Variants in IL1RAPL2 observed in about 807,000 individuals in gnomAD.
IL1RAPL2 encodes the protein interleukin 1 receptor accessory protein like 2, also known as X-linked interleukin-1 receptor accessory protein-like 2.
A neutral mutation model predicts 44.1 loss-of-function variants in IL1RAPL2; 3 were observed. The observed-to-expected ratio is 0.07, with a 90% CI of 0.03 to 0.18. IL1RAPL2 has a LOEUF of 0.18. Among genes scored for constraint, IL1RAPL2 ranks in the 10% least tolerant of loss-of-function variants. IL1RAPL2 has a pLI of 1.00. For synonymous variants in IL1RAPL2, 181 were observed against 178.8 expected (o/e 1.01, Z -0.10); for missense variants, 391 against 496.4 (o/e 0.79, Z 2.02).
At chrX:105,247,603 ATGTGTGTGTGTGTGTGTG>A (rs10588244) in intron 4 of IL1RAPL2, among the ~76,000 whole-genome samples, 3 of 95,032 alleles carry the variant, frequency 3.2e-5, no homozygotes, top group East Asian at 7.1e-4. Context: ...ATATATATAT[ATGTGTGTGTGTGTGTGTG>A]TGTGTGTGTG....
intron 6 of IL1RAPL2, among the ~76,000 whole-genome samples, chrX:105,574,696 G>T (rs1423975971): frequency 8.9e-6 from 1 of 111,843 alleles, no homozygotes; most frequent in Non-Finnish European, 1.9e-5. Context: ...TGGTCCTTTT[G>T]CTGTCTGTGA....
chrX:104,849,110 G>T (rs1922149234), intron 2 of IL1RAPL2, among the ~76,000 whole-genome samples: 1 of 109,096 alleles, frequency 9.2e-6, no homozygotes, highest in African/African-American at 3.3e-5. Flanking sequence ...TTTGAGGTCA[G>T]CCTCCATCTC....
chrX:105,731,911 A>G (rs2038409341), intron 7 of IL1RAPL2, among the ~76,000 whole-genome samples: 1 of 111,272 alleles, frequency 9.0e-6, no homozygotes, highest in Admixed American at 9.6e-5. Flanking sequence ...GTTAACAACA[A>G]TGAATTATAT....
chrX:105,447,075 T>TTTTA (rs1556322819), intron 5 of IL1RAPL2, among the ~76,000 whole-genome samples: 1 of 16,878 alleles, frequency 5.9e-5, no homozygotes, highest in Non-Finnish European at 8.6e-5. Context: ...CTGGTTAAAA[T>TTTTA]TATATATATA....
intron 2 of IL1RAPL2, among the ~76,000 whole-genome samples, chrX:105,116,788 A>G (rs1008973763): frequency 8.9e-6 from 1 of 112,665 alleles, no homozygotes. Context: ...ACTTGTAGAG[A>G]CAAGGTTTTC....
At chrX:104,782,481 T>A (rs1932779751) in intron 2 of IL1RAPL2, among the ~76,000 whole-genome samples, 1 of 111,904 alleles carries the variant, frequency 8.9e-6, no homozygotes, top group African/African-American at 3.2e-5. Flanking sequence ...TTTATATCCC[T>A]TCCTGAGAAG....
At chrX:104,828,011 A>G (rs1217274517) in intron 2 of IL1RAPL2, among the ~76,000 whole-genome samples, 2 of 111,632 alleles carry the variant, frequency 1.8e-5, no homozygotes, top group Admixed American at 1.9e-4. Context: ...TGTTTATTCT[A>G]GTTAGCAATT....
In IL1RAPL2 at chrX:105,107,846, C is replaced by T. The variant is rs1386703967; in HGVS notation, c.83-87629C>T. 2.7e-5 allele frequency among the ~76,000 whole-genome samples: 3 copies of T among 111,788 alleles called. No individual in the cohort carries two copies. In the East Asian group the frequency reaches 8.4e-4, roughly 31 times the overall value. ...TTGTCAATGAAACCAATGGTCACTT[C>T]TGAATCCTGATTTTATGTGACTGTT... On this transcript the variant is annotated intron_variant, in intron 2 of 10. Coordinates refer to ENST00000372582, the MANE Select transcript of IL1RAPL2 (RefSeq NM_017416.2).
chrX:104,919,112 A>T (rs967533479), intron 2 of IL1RAPL2, among the ~76,000 whole-genome samples: 4 of 111,849 alleles, frequency 3.6e-5, no homozygotes, highest in African/African-American at 1.3e-4. Context: ...TAATGAAAAA[A>T]TAAGTTACAA....
At chrX:105,609,414 TAAAA>T (rs985992172) in intron 6 of IL1RAPL2, among the ~76,000 whole-genome samples, 1 of 110,734 alleles carries the variant, frequency 9.0e-6, no homozygotes, top group Non-Finnish European at 1.9e-5. Flanking sequence ...ATTTTACAAT[TAAAA>T]AAATAGTGCA....
At chrX:105,387,237 CTTT>C (rs577370014) in intron 5 of IL1RAPL2, among the ~76,000 whole-genome samples, 3 of 90,859 alleles carry the variant, frequency 3.3e-5, no homozygotes, top group Non-Finnish European at 2.2e-5. Context: ...TGTGCATTTT[CTTT>C]TTTTTTTTTT....
intron 1 of IL1RAPL2, among the ~76,000 whole-genome samples, chrX:104,585,378 AATATAT>A: frequency 4.3e-5 from 1 of 23,226 alleles, no homozygotes; most frequent in African/African-American, 2.9e-4. Flanking sequence ...TATTATATAT[AATATAT>A]ATTATATATA....
At chrX:104,608,990 C>T (rs1439290339) in intron 1 of IL1RAPL2, among the ~76,000 whole-genome samples, 6 of 111,409 alleles carry the variant, frequency 5.4e-5, no homozygotes, top group Admixed American at 2.9e-4. Context: ...TGGCTGGTAC[C>T]GGTTGTTCCT....
rs1718628981 is a variant in IL1RAPL2, at chrX:104,585,345, ATATATATTATATATAT to A, written c.-20+18302_-20+18317del. ...TTATATATAATATATATTATATATT[ATATATATTATATATAT>A]TATATATATTATATATAATATATAT... On this transcript the variant is annotated intron_variant, in intron 1 of 10. Transcript: ENST00000372582. 1.7e-4 allele frequency among the ~76,000 whole-genome samples: 2 copies of A among 11,986 alleles called. 1 individual carries two copies. The highest frequency in any genetic ancestry group is 2.3e-4 in the Non-Finnish European group (2 of 8,716). The allele number at this position is 11,986 out of a possible 115,157, so 10.4% of individuals were successfully genotyped here. A position where few individuals can be genotyped will look rare whatever the true frequency, so the allele number is the denominator to read the frequency against.
At chrX:104,580,773 G>T (rs1928330402) in intron 1 of IL1RAPL2, among the ~76,000 whole-genome samples, 1 of 111,849 alleles carries the variant, frequency 8.9e-6, no homozygotes, top group African/African-American at 3.3e-5. Flanking sequence ...CACTGTAGAG[G>T]TTTCAATAAT....
chrX:104,645,716 A>G (rs1311950192), intron 1 of IL1RAPL2, among the ~76,000 whole-genome samples: 2 of 112,821 alleles, frequency 1.8e-5, no homozygotes, highest in Admixed American at 1.9e-4. Context: ...AAGTAGATAC[A>G]ATACCTATCA....
intron 6 of IL1RAPL2, among the ~76,000 whole-genome samples, chrX:105,561,357 T>A (rs939648960): frequency 9.0e-5 from 10 of 110,986 alleles, no homozygotes; most frequent in Non-Finnish European, 1.1e-4. Context: ...AAGAAATCTT[T>A]AAAAAAAAAT....
chrX:105,166,006 T>C (rs1265344466), intron 2 of IL1RAPL2, among the ~76,000 whole-genome samples: 2 of 111,840 alleles, frequency 1.8e-5, no homozygotes, highest in Non-Finnish European at 3.8e-5. Flanking sequence ...ATTTGAATAT[T>C]GGCTCTCACA....
At chrX:105,358,588 A>G (rs992679917) in intron 5 of IL1RAPL2, among the ~76,000 whole-genome samples, 4 of 106,461 alleles carry the variant, frequency 3.8e-5, no homozygotes, top group Non-Finnish European at 7.7e-5. Context: ...AGGTGGAAGG[A>G]CTGCTTGAGC....
Sources: gnomAD v4.1 joint callset for allele counts (sites outside exome capture counted in the v4.1 genomes callset) on GRCh38, gnomAD v4.1.1 for gene constraint, MANE v1.5 for transcripts, NCBI Gene and HGNC (gene_info 2026-07-23, HGNC 2026-07-21) for gene names.